The following GRM8 variants were observed in gnomAD, a reference collection of about 807,000 sequenced individuals.
The protein encoded by GRM8 is glutamate metabotropic receptor 8, also known as metabotropic glutamate receptor 8.
GRM8 carries 47 observed loss-of-function variants against 87.2 expected under a neutral mutation model. The ratio of observed to expected loss-of-function variants is 0.54; its 90% CI spans 0.43 to 0.69. The LOEUF (loss-of-function observed/expected upper bound fraction) is 0.69. GRM8 is among the 30% of genes least tolerant of loss of function. GRM8 has a pLI of 0.00. For missense variants in GRM8, 1,019 were observed against 1,139.2 expected (o/e 0.89, Z 1.52); for synonymous variants, 396 against 404.5 (o/e 0.98, Z 0.25).
chr7:126,453,556 A>G (rs983901627), intron 9 of GRM8, among the ~76,000 whole-genome samples: 2 of 151,738 alleles, frequency 1.3e-5, no homozygotes, highest in South Asian at 4.1e-4. Context: ...AGCATCAACC[A>G]ACAAGCAGAA....
chr7:126,971,739 C>A (rs1052935490), intron 3 of GRM8, among the ~76,000 whole-genome samples: 4 of 152,098 alleles, frequency 2.6e-5, no homozygotes, highest in African/African-American at 4.8e-5. Context: ...GTGGTTTGGA[C>A]TCCCAGTATA....
intron 8 of GRM8, among the ~76,000 whole-genome samples, chr7:126,594,340 T>C (rs370470219): frequency 2.0e-5 from 3 of 152,170 alleles, no homozygotes; most frequent in Admixed American, 2.0e-4. Context: ...TCAACCTAAG[T>C]GTCCATCAGT....
At chr7:126,643,317 AAAATATATATATATATATATAT>A (rs1166193964) in intron 7 of GRM8, among the ~76,000 whole-genome samples, 1 of 20,796 alleles carries the variant, frequency 4.8e-5, no homozygotes, top group East Asian at 1.5e-3. Context: ...AAAAAAAAAA[AAAATATATATATATATATATAT>A]ATATATATAT....
At chr7:126,897,403 A>C (rs1457108490) in intron 6 of GRM8, among the ~76,000 whole-genome samples, 2 of 152,166 alleles carry the variant, frequency 1.3e-5, no homozygotes, top group Non-Finnish European at 2.9e-5. Flanking sequence ...AATGAGAAAA[A>C]ATGAGGCAAT....
chr7:126,615,187 T>C (rs1799332471), intron 7 of GRM8, among the ~76,000 whole-genome samples: 1 of 152,090 alleles, frequency 6.6e-6, no homozygotes, highest in South Asian at 2.1e-4. Context: ...CGGCAGAAAC[T>C]CTACAAGCCA....
At chr7:127,102,856 C>T (rs1188208957) in intron 3 of GRM8, among the ~76,000 whole-genome samples, 3 of 152,120 alleles carry the variant, frequency 2.0e-5, no homozygotes, top group Non-Finnish European at 2.9e-5. Context: ...TAGAAAGAGG[C>T]CACCATCCTC....
chr7:127,191,069 ATTTTAAATTTAATACTCTCATTTAACAGG>A (rs1406107559), intron 2 of GRM8, among the ~76,000 whole-genome samples: 1 of 152,184 alleles, frequency 6.6e-6, no homozygotes, highest in Non-Finnish European at 1.5e-5. Flanking sequence ...TTATTTCAGT[ATTTTAAATTTAATACTCTCATTTAACAGG>A]TTTGACAAAA....
chr7:126,551,249 G>A (rs536394892), intron 8 of GRM8, among the ~76,000 whole-genome samples: 134 of 152,150 alleles, frequency 8.8e-4, no homozygotes, highest in Admixed American at 4.6e-3. Flanking sequence ...AAAGGCTCAC[G>A]AGAAAGGTAT....
At chr7:127,160,408 A>G (rs987944689) in intron 2 of GRM8, among the ~76,000 whole-genome samples, 5 of 152,178 alleles carry the variant, frequency 3.3e-5, no homozygotes, top group African/African-American at 9.6e-5. Flanking sequence ...AACAAATAGC[A>G]AACAAAGAAA....
At chr7:126,984,911 G>A (rs1361562270) in intron 3 of GRM8, among the ~76,000 whole-genome samples, 1 of 152,044 alleles carries the variant, frequency 6.6e-6, no homozygotes, top group Non-Finnish European at 1.5e-5. Context: ...AGACCTTTCA[G>A]GCGGATGCAC....
chr7:126,776,346 G>A (rs28642046), intron 6 of GRM8, among the ~76,000 whole-genome samples: 1,799 of 152,166 alleles, frequency 0.012, 39 homozygotes, highest in African/African-American at 0.041. Flanking sequence ...GGCAGTAAAT[G>A]TCAGGAGGCA....
intron 3 of GRM8, among the ~76,000 whole-genome samples, chr7:126,937,907 C>T (rs1014088074): frequency 6.6e-6 from 1 of 152,078 alleles, no homozygotes; most frequent in Admixed American, 6.6e-5. Context: ...TGGGCATATC[C>T]TCTACGTGGG....
intron 6 of GRM8, among the ~76,000 whole-genome samples, chr7:126,877,783 T>G (rs926376783): frequency 5.3e-5 from 8 of 152,248 alleles, no homozygotes; most frequent in Non-Finnish European, 8.8e-5. Context: ...CATGTTGTTT[T>G]GTTCTGTCAT....
At chr7:126,483,431 C>G (rs1806954154) in intron 9 of GRM8, among the ~76,000 whole-genome samples, 1 of 147,946 alleles carries the variant, frequency 6.8e-6, no homozygotes, top group Non-Finnish European at 1.5e-5. Context: ...AAAACATACC[C>G]TTAGTATTCA....
At chr7:127,139,045 T>C (rs1025388942) in intron 2 of GRM8, among the ~76,000 whole-genome samples, 11 of 152,142 alleles carry the variant, frequency 7.2e-5, no homozygotes, top group African/African-American at 2.7e-4. Flanking sequence ...TCTTCTATAA[T>C]AATAAGTGGC....
At chr7:126,646,140 C>T (rs1803020160) in intron 7 of GRM8, among the ~76,000 whole-genome samples, 1 of 152,144 alleles carries the variant, frequency 6.6e-6, no homozygotes, top group South Asian at 2.1e-4. Context: ...TTAACCTCTT[C>T]TTCCCTGCCA....
intron 9 of GRM8, among the ~76,000 whole-genome samples, chr7:126,528,613 GT>G (rs1814287844): frequency 1.4e-5 from 1 of 69,102 alleles, no homozygotes; most frequent in African/African-American, 7.4e-5. Context: ...GACAAAAGAA[GT>G]TGTGTGTGTG....
intron 7 of GRM8, among the ~76,000 whole-genome samples, chr7:126,636,273 T>A (rs949131239): frequency 3.9e-5 from 6 of 152,070 alleles, no homozygotes; most frequent in Admixed American, 2.6e-4. Context: ...GAATAGTGTA[T>A]ATAATATGTA....
intron 2 of GRM8, among the ~76,000 whole-genome samples, chr7:127,192,844 G>A (rs560628853): frequency 6.6e-6 from 1 of 152,274 alleles, no homozygotes; most frequent in African/African-American, 2.4e-5. Flanking sequence ...CCCACTTTCT[G>A]TATGCACACT....
Sources: allele counts gnomAD v4.1 joint callset (sites outside exome capture counted in the v4.1 genomes callset), GRCh38; gene constraint gnomAD v4.1.1; transcripts MANE v1.5; gene names NCBI Gene and HGNC (gene_info 2026-07-23, HGNC 2026-07-21).